The following NDFIP2 variants were observed in gnomAD, a reference collection of about 807,000 sequenced individuals.
NDFIP2 encodes the protein NEDD4 family-interacting protein 2.
A neutral mutation model predicts 36.0 loss-of-function variants in NDFIP2; 19 were observed. The ratio of observed to expected loss-of-function variants is 0.53; its 90% CI spans 0.37 to 0.77. The LOEUF (loss-of-function observed/expected upper bound fraction) is 0.77, where lower values mean the gene tolerates loss of function less well. Ranked by LOEUF, NDFIP2 falls within the 30% of genes least tolerant of loss-of-function variation. The probability of loss-of-function intolerance (pLI) is 0.00; values close to 1 mark genes in which losing one functional copy is unlikely to be tolerated. For missense variants in NDFIP2, 446 were observed against 435.8 expected, an observed-to-expected ratio of 1.02 and a Z score of -0.21; for synonymous variants, 181 against 167.7, an observed-to-expected ratio of 1.08 and a Z score of -0.61.
At chr13:79,520,007 G>T (rs1874505569) in intron 1 of NDFIP2, among the ~76,000 whole-genome samples, 1 of 152,024 alleles carries the variant, frequency 6.6e-6, no homozygotes, top group Admixed American at 6.6e-5. Context: ...CACCATGTTG[G>T]CCAGGCTGGT....
At chr13:79,547,614 G>C (rs61665951) in intron 5 of NDFIP2, among the ~76,000 whole-genome samples, 1,726 of 152,158 alleles carry the variant, frequency 0.011, 35 homozygotes, top group African/African-American at 0.04. Flanking sequence ...GGATAACTGT[G>C]TCCAATATCA....
intron 1 of NDFIP2, among the ~76,000 whole-genome samples, chr13:79,505,682 C>T (rs986542308): frequency 1.3e-5 from 2 of 149,662 alleles, no homozygotes; most frequent in Admixed American, 6.7e-5. Flanking sequence ...GGTAGTATTG[C>T]TGTGAAAATA....
chr13:79,517,094 G>T (rs1230503759), intron 1 of NDFIP2, among the ~76,000 whole-genome samples: 1 of 152,022 alleles, frequency 6.6e-6, no homozygotes, highest in Non-Finnish European at 1.5e-5. Context: ...GAGCTCTGTT[G>T]TCATTTTTTT....
At chr13:79,515,868 TC>T (rs71110003) in intron 1 of NDFIP2, among the ~76,000 whole-genome samples, 3 of 145,656 alleles carry the variant, frequency 2.1e-5, no homozygotes, top group Non-Finnish European at 4.5e-5. Context: ...GTTTTTTTTT[TC>T]CCCTAAATCA....
At chr13:79,538,948 C>T (rs1875352727) in intron 3 of NDFIP2, among the ~76,000 whole-genome samples, 1 of 152,162 alleles carries the variant, frequency 6.6e-6, no homozygotes, top group African/African-American at 2.4e-5. Flanking sequence ...CTTCCCAGGC[C>T]TTGGGTAGCT....
intron 1 of NDFIP2, among the ~76,000 whole-genome samples, chr13:79,485,910 C>CT (rs1408518071): frequency 6.6e-6 from 1 of 152,152 alleles, no homozygotes; most frequent in Non-Finnish European, 1.5e-5. Context: ...TTTGACCATC[C>CT]TTCAGGAATT....
chr13:79,547,126 G>A (rs1566668977), intron 5 of NDFIP2, among the ~76,000 whole-genome samples: 1 of 151,702 alleles, frequency 6.6e-6, no homozygotes, highest in Non-Finnish European at 1.5e-5. Flanking sequence ...TTATTAATTG[G>A]AAATACTTCC....
intron 1 of NDFIP2, among the ~76,000 whole-genome samples, chr13:79,515,871 C>G (rs1231645971): frequency 6.7e-6 from 1 of 150,050 alleles, no homozygotes; most frequent in Non-Finnish European, 1.5e-5. Flanking sequence ...TTTTTTTTCC[C>G]CTAAATCAGG....
intron 1 of NDFIP2, among the ~76,000 whole-genome samples, chr13:79,504,323 G>A (rs1873777657): frequency 6.6e-6 from 1 of 151,928 alleles, no homozygotes. Context: ...TTTGTTTTCT[G>A]ATGAGTTCTT....
chr13:79,522,104 A>T (rs925524873), intron 2 of NDFIP2, among the ~76,000 whole-genome samples: 2 of 152,204 alleles, frequency 1.3e-5, no homozygotes, highest in Non-Finnish European at 2.9e-5. Flanking sequence ...CTGGGATTAC[A>T]GGCGTGAGCC....
chr13:79,504,164 T>TA (rs1409682463), intron 1 of NDFIP2, among the ~76,000 whole-genome samples: 1 of 152,222 alleles, frequency 6.6e-6, no homozygotes, highest in Non-Finnish European at 1.5e-5. Flanking sequence ...TATTTGTTTT[T>TA]ATACAATATA....
chr13:79,541,242 T>C (rs981091137), intron 4 of NDFIP2, among the ~76,000 whole-genome samples: 5 of 151,834 alleles, frequency 3.3e-5, no homozygotes, highest in Non-Finnish European at 7.4e-5. Flanking sequence ...AACTCAGAAG[T>C]CTTATTTCTC....
chr13:79,489,560 C>G (rs964809095), intron 1 of NDFIP2, among the ~76,000 whole-genome samples: 40 of 152,292 alleles, frequency 2.6e-4, no homozygotes, highest in African/African-American at 9.4e-4. Context: ...GATGATGTGC[C>G]ACACCAGTCA....
intron 6 of NDFIP2, among the ~76,000 whole-genome samples, chr13:79,549,303 T>C (rs1875809644): frequency 6.6e-6 from 1 of 152,014 alleles, no homozygotes; most frequent in African/African-American, 2.4e-5. Flanking sequence ...ATATTATGTG[T>C]TCTAACTGCC....
At chr13:79,521,006 T>C in intron 2 of NDFIP2, 31 bp downstream of exon 2, 2 of 1,533,588 alleles carry the variant, frequency 1.3e-6, no homozygotes, top group Non-Finnish European at 1.8e-6. Flanking sequence ...TTTTTATTAG[T>C]TCTTTTTTTT....
At chr13:79,534,716 G>A (rs1474280518) in intron 3 of NDFIP2, among the ~76,000 whole-genome samples, 2 of 152,130 alleles carry the variant, frequency 1.3e-5, no homozygotes, top group African/African-American at 4.8e-5. Flanking sequence ...ACCCAGGAAA[G>A]CTAGAATTAG....
chr13:79,550,532 C>T (rs1424661977), intron 6 of NDFIP2, among the ~76,000 whole-genome samples: 1 of 151,506 alleles, frequency 6.6e-6, no homozygotes, highest in Non-Finnish European at 1.5e-5. Context: ...AGATGACAGG[C>T]ACTTGATATT....
chr13:79,543,805 A>G, intron 5 of NDFIP2, 123 bp downstream of exon 5: 1 of 1,217,942 alleles, frequency 8.2e-7, no homozygotes, highest in East Asian at 2.4e-5. Flanking sequence ...TTATTCTTAA[A>G]TCCTATACTT....
chr13:79,506,597 A>G (rs372211657), intron 1 of NDFIP2, among the ~76,000 whole-genome samples: 1 of 152,050 alleles, frequency 6.6e-6, no homozygotes, highest in Non-Finnish European at 1.5e-5. Flanking sequence ...TTAGGCTGAC[A>G]TGTGTGTTTT....
Sources: gnomAD v4.1 joint callset for allele counts (sites outside exome capture counted in the v4.1 genomes callset) on GRCh38, gnomAD v4.1.1 for gene constraint, MANE v1.5 for transcripts, NCBI Gene and HGNC (gene_info 2026-07-23, HGNC 2026-07-21) for gene names.